The following CACNB4 variants were observed in gnomAD, a reference collection of about 807,000 sequenced individuals.
CACNB4 encodes calcium voltage-gated channel auxiliary subunit beta 4.
In CACNB4, 32 loss-of-function variants were observed where a neutral mutation model predicts 71.2. The observed-to-expected ratio is 0.45, with a 90% confidence interval of 0.34 to 0.60. The LOEUF is 0.60. CACNB4 is among the 20% of genes least tolerant of loss of function. CACNB4 has a pLI of 0.01. For missense variants in CACNB4, 464 were observed against 647.9 expected, an observed-to-expected ratio of 0.72 and a Z score of 3.08; for synonymous variants, 231 against 236.9, an observed-to-expected ratio of 0.97 and a Z score of 0.23.
rs2151309372 is a variant in CACNB4, at chr2:151,837,343, AG to A, written c.*1775del. 1 of 152,156 alleles carries A rather than the reference AG, an allele frequency of 6.6e-6. No individual in the cohort carries two copies. Among genetic ancestry groups the A allele is most frequent in the South Asian group, 2.1e-4 (1 of 4,824 alleles). The allele number at this position is 152,156 out of a possible 1,614,324, so 9.4% of individuals were successfully genotyped here. On this transcript the variant is annotated 3_prime_UTR_variant, in exon 14 of 14. Coordinates refer to ENST00000539935, the MANE Select transcript of CACNB4 (RefSeq NM_000726.5). Reference sequence around the variant, plus strand: ...GGGTACAAACACTGAACATAAATGCAGGGGGATGTGGTGAGGTTGTAATGGG... The same window carrying A: ...GGGTACAAACACTGAACATAAATGCAGGGGATGTGGTGAGGTTGTAATGGG...
chr2:151,962,791 C>T (rs555406277), intron 2 of CACNB4: 6 of 152,286 alleles, frequency 3.9e-5, no homozygotes, highest in East Asian at 1.9e-4. Flanking sequence ...ATCAAACAAA[C>T]GCTTGAAAGA....
intron 9 of CACNB4, among the ~76,000 whole-genome samples, chr2:151,862,651 A>G (rs757312940): frequency 2.8e-4 from 42 of 152,180 alleles, no homozygotes; most frequent in Non-Finnish European, 5.4e-4. Context: ...ATATGATTTC[A>G]CTATAAAAAG....
chr2:151,974,453 C>T (rs991480718), intron 2 of CACNB4, among the ~76,000 whole-genome samples: 10 of 152,154 alleles, frequency 6.6e-5, no homozygotes, highest in Admixed American at 2.6e-4. Context: ...TCAATATTCT[C>T]GTTGAAGTCT....
At chr2:151,871,219 G>C (rs970089170) in intron 6 of CACNB4, 2 of 220,748 alleles carry the variant, frequency 9.1e-6, no homozygotes, top group Non-Finnish European at 1.8e-5. Context: ...GTAGACAAAT[G>C]CAATTTCATA....
In CACNB4 at chr2:152,099,021, C is replaced by G; in HGVS notation, c.-10G>C. On this transcript the variant is annotated 5_prime_UTR_variant, in exon 1 of 14. Transcript: ENST00000539935. ...AGGAGGAGGAGGACATCGTTCAGAGCCGCCGCATGGCCAGCCCGTGTGCGG... is the reference window on the plus strand; with the variant it reads ...AGGAGGAGGAGGACATCGTTCAGAGGCGCCGCATGGCCAGCCCGTGTGCGG... 2 of 1,520,644 alleles carry G rather than the reference C, an allele frequency of 1.3e-6. No individual in the cohort carries two copies. The highest frequency in any genetic ancestry group is 5.3e-5 in the East Asian group (2 of 38,016). 94.2% of individuals were successfully genotyped at this position (1,520,644 alleles called of 1,614,324 possible).
chr2:151,952,223 C>T (rs1309139622), intron 2 of CACNB4, among the ~76,000 whole-genome samples: 1 of 152,130 alleles, frequency 6.6e-6, no homozygotes, highest in Non-Finnish European at 1.5e-5. Context: ...TCAGCCACGT[C>T]CTACCTACGA....
At chr2:151,948,156 T>C (rs1289772628) in intron 2 of CACNB4, among the ~76,000 whole-genome samples, 1 of 151,618 alleles carries the variant, frequency 6.6e-6, no homozygotes, top group Non-Finnish European at 1.5e-5. Context: ...GTCATTTTTT[T>C]CTTAGAGATC....
intron 2 of CACNB4, among the ~76,000 whole-genome samples, chr2:151,930,210 T>C (rs1189887923): frequency 1.3e-5 from 2 of 152,082 alleles, no homozygotes; most frequent in Admixed American, 6.6e-5. Flanking sequence ...ATATGGGTGT[T>C]TGAATATGGT....
chr2:152,089,973 G>A (rs1366953094), intron 2 of CACNB4, among the ~76,000 whole-genome samples: 2 of 152,262 alleles, frequency 1.3e-5, no homozygotes, highest in Non-Finnish European at 2.9e-5. Context: ...GGACCTGCAT[G>A]CCCCACTCTC....
intron 2 of CACNB4, among the ~76,000 whole-genome samples, chr2:152,045,636 G>A (rs1217145653): frequency 6.6e-6 from 1 of 151,690 alleles, no homozygotes; most frequent in African/African-American, 2.4e-5. Flanking sequence ...AAAAGACAAG[G>A]AATGAAAAGG....
chr2:151,986,536 C>A (rs1681379730), intron 2 of CACNB4, among the ~76,000 whole-genome samples: 1 of 152,190 alleles, frequency 6.6e-6, no homozygotes, highest in Non-Finnish European at 1.5e-5. Flanking sequence ...TTATTAAGCA[C>A]CATACTAGAA....
At chr2:151,937,971 T>G (rs1292060205) in intron 2 of CACNB4, among the ~76,000 whole-genome samples, 1 of 152,164 alleles carries the variant, frequency 6.6e-6, no homozygotes, top group East Asian at 1.9e-4. Context: ...GTTCTGAAAT[T>G]TTATTCTTAT....
chr2:151,933,739 T>C (rs1320619833), intron 2 of CACNB4, among the ~76,000 whole-genome samples: 1 of 152,240 alleles, frequency 6.6e-6, no homozygotes, highest in Non-Finnish European at 1.5e-5. Context: ...TGGCACTTGA[T>C]ATCAAACTCC....
At chr2:151,995,963 T>C (rs1429106433) in intron 2 of CACNB4, among the ~76,000 whole-genome samples, 1 of 152,218 alleles carries the variant, frequency 6.6e-6, no homozygotes, top group African/African-American at 2.4e-5. Context: ...GTTCAAAGTC[T>C]GCAAAGAGAA....
At chr2:152,045,937 A>G (rs1346325716) in intron 2 of CACNB4, among the ~76,000 whole-genome samples, 3 of 152,256 alleles carry the variant, frequency 2.0e-5, no homozygotes, top group African/African-American at 4.8e-5. Context: ...GTTCTGATAA[A>G]TGAGCTAGAA....
In CACNB4 at chr2:152,089,255, G is replaced by C. The variant is rs1170800585; in HGVS notation, c.147+9075C>G. On this transcript the variant is annotated intron_variant, in intron 2 of 13. Transcript: ENST00000539935. ...AGGACAATACTGACTGCTTCAACCA[G>C]AGTGTGTTTGGATTGGGGTTCGTTG... 2.6e-5 allele frequency among the ~76,000 whole-genome samples: 4 copies of C among 152,242 alleles called. No individual in the cohort carries two copies. In the South Asian group the frequency reaches 8.3e-4, roughly 31 times the overall value.
intron 2 of CACNB4, among the ~76,000 whole-genome samples, chr2:152,080,633 T>C (rs905448904): frequency 2.6e-5 from 4 of 152,212 alleles, no homozygotes; most frequent in African/African-American, 9.6e-5. Context: ...ATATATTTTG[T>C]GTACTCTGTC....
At chr2:152,066,625 C>A (rs1029926934) in intron 2 of CACNB4, among the ~76,000 whole-genome samples, 1 of 149,940 alleles carries the variant, frequency 6.7e-6, no homozygotes, top group African/African-American at 2.4e-5. Flanking sequence ...ACCATTTGAC[C>A]TAGCCATCCC....
chr2:151,884,299 C>CA (rs1461479324), intron 2 of CACNB4: 2,346 of 136,864 alleles, frequency 0.017, 65 homozygotes, highest in African/African-American at 0.059. Flanking sequence ...GACTCCATCT[C>CA]AAAAAAAAAA....
Sources: gnomAD v4.1 joint callset for allele counts (sites outside exome capture counted in the v4.1 genomes callset) on GRCh38, gnomAD v4.1.1 for gene constraint, MANE v1.5 for transcripts, NCBI Gene and HGNC (gene_info 2026-07-23, HGNC 2026-07-21) for gene names.